The following PLXNB3 variants were observed in gnomAD, a reference collection of about 807,000 sequenced individuals.
The protein encoded by PLXNB3 is plexin B3, also known as plexin-B3.
A neutral mutation model predicts 125.7 loss-of-function variants in PLXNB3; 80 were observed. The ratio of observed to expected loss-of-function variants is 0.64; its 90% confidence interval spans 0.53 to 0.77. The LOEUF is 0.77. Ranked by LOEUF, PLXNB3 falls within the 30% of genes least tolerant of loss-of-function variation. The pLI is 0.00. For missense variants in PLXNB3, 1,836 were observed against 1,729.3 expected, an observed-to-expected ratio of 1.06 and a Z score of -1.09; for synonymous variants, 954 against 783.3, an observed-to-expected ratio of 1.22 and a Z score of -3.64.
In PLXNB3 at chrX:153,772,887, A is replaced by C. The variant is rs1279464807; in HGVS notation, c.2777A>C (p.Asp926Ala). 8.8e-7 allele frequency: 1 copy of C among 1,130,978 alleles called. No homozygotes were observed. Among genetic ancestry groups the C allele is most frequent in the Admixed American group, 3.2e-5 (1 of 31,149 alleles). The allele number at this position is 1,130,978 out of a possible 1,213,427, so 93.2% of individuals were successfully genotyped here. Residue 926 changes from aspartate (D) to alanine (A), a missense_variant and splice_region_variant, in exon 17 of 36, where the codon GAC (aspartate) becomes GCC (alanine). Coordinates refer to ENST00000361971, the MANE Select transcript of PLXNB3 (RefSeq NM_005393.3). ...TACCCAGCCTGCGCTGTTCGCCAGG[A>C]CCCTGTCCTGCTGAGCCTGAGTCCT... ...GISSQHFTYQ[D>A]PVLLSLSPRW...
rs2091904446 is a variant in PLXNB3 at position 153,769,735 on chromosome X, C to T, written c.1497-72C>T. On this transcript the variant is annotated intron_variant, in intron 6 of 35. Transcript: ENST00000361971. ...CTGCACTCCAGCTGGGCCGGCCTCCCCAGGCCCCTGTTGCCGGTCATCCTT... is the reference window on the plus strand; with the variant it reads ...CTGCACTCCAGCTGGGCCGGCCTCCTCAGGCCCCTGTTGCCGGTCATCCTT... The T allele has an allele frequency of 5.5e-6, 6 of 1,097,220 alleles. No individual in the cohort carries two copies. In the South Asian group the frequency reaches 1.1e-4, roughly 19 times the overall value. The allele number at this position is 1,097,220 out of a possible 1,213,427, so 90.4% of individuals were successfully genotyped here.
chrX:153,779,091 T>G lies in PLXNB3; in HGVS notation c.*52T>G. 1.1e-6 allele frequency: 1 copy of G among 930,837 alleles called. No individual in the cohort carries two copies. 76.7% of individuals were successfully genotyped at this position (930,837 alleles called of 1,213,427 possible). On this transcript the variant is annotated 3_prime_UTR_variant, in exon 36 of 36. Coordinates refer to ENST00000361971, the MANE Select transcript of PLXNB3 (RefSeq NM_005393.3). ...GATCCACCAACACCGCAGCGCCTTA[T>G]GACCCCGGAACCGAGCCAGCCACTG...
chrX:153,766,133 CTCT>C, intron 2 of PLXNB3: 1 of 1,095,097 alleles, frequency 9.1e-7, no homozygotes, highest in Non-Finnish European at 1.2e-6. Context: ...CCTGTGTTGT[CTCT>C]TGACACCCCT....
chrX:153,770,634 G>T lies in PLXNB3; in HGVS notation c.2002G>T (p.Ala668Ser), dbSNP rs145979763. The T allele has an allele frequency of 8.3e-7, 1 of 1,209,991 alleles. No homozygotes were observed. The highest frequency in any genetic ancestry group is 1.1e-6 in the Non-Finnish European group (1 of 894,477). The stretch of plus-strand genomic sequence containing the variant: ...AGAGGGCGAGAGGACCATCTACAGC[G>T]CCCAGGAGGTGGGTGGGCCCGAACT... ...CPEGERTIYS[A>S]QEVDIQVRGP... The change falls in exon 10 of 36, where the codon GCC (alanine) becomes TCC (serine). Residue 668 changes from alanine to serine, a missense_variant. Ala to Ser is a moderately conservative substitution (Grantham distance 99). Transcript: ENST00000361971.
rs1362741691 is a variant in PLXNB3, at chrX:153,770,007, G to A, written c.1629+68G>A. On this transcript the variant is annotated intron_variant, in intron 7 of 35. Transcript: ENST00000361971. ...ACTGCCTGGAGCATGAACCCCGCCTGCCTCCCGTCCTCCTTCCTCTCCCAT... is the reference window on the plus strand; with the variant it reads ...ACTGCCTGGAGCATGAACCCCGCCTACCTCCCGTCCTCCTTCCTCTCCCAT... 5.1e-6 allele frequency: 6 copies of A among 1,187,359 alleles called. No homozygotes were observed. The African/African-American group carries it at 7.0e-5, about 14-fold the overall frequency.
rs782006810 is a variant in PLXNB3, at chrX:153,769,921, C to T, written c.1611C>T (p.Pro537=). ...AGAGCCTGCTGCCGGGCCACCACCCCCGCCAGGAGCAGGGCCAGGTAAGCC... is the reference window on the plus strand; with the variant it reads ...AGAGCCTGCTGCCGGGCCACCACCCTCGCCAGGAGCAGGGCCAGGTAAGCC... ...HIQSLLPGHH[P]RQEQGQVTLS... The change falls in exon 7 of 36, where the codon CCC becomes CCT. Residue 537 remains proline (P), a synonymous_variant. Transcript: ENST00000361971. The T allele has an allele frequency of 8.3e-7, 1 of 1,207,911 alleles. No homozygotes were observed. Among genetic ancestry groups the T allele is most frequent in the East Asian group, 3.0e-5 (1 of 33,814 alleles).
rs201223941 is a variant in PLXNB3, at chrX:153,777,967, G to A, written c.5281G>A (p.Val1761Met). The change falls in exon 32 of 36, where the codon GTG (valine) becomes ATG (methionine). Residue 1761 changes from valine (V) to methionine (M), a missense_variant. Coordinates refer to ENST00000361971, the MANE Select transcript of PLXNB3 (RefSeq NM_005393.3). The part of the protein sequence containing the change: ...KTNSLLLRFW[V>M]NALKNPQLIF... ...CCCCAGTCTGCTGCTGCGGTTCTGG[G>A]TGAATGCCTTGAAGAACCCACAGCT... 2.1e-5 allele frequency: 26 copies of A among 1,209,557 alleles called. No individual in the cohort carries two copies. The highest frequency in any genetic ancestry group is 2.9e-5 in the Non-Finnish European group (26 of 894,531).
At position 153,766,397 on chromosome X, in the gene PLXNB3, T is replaced by C. The variant is rs2091858325; in HGVS notation, c.46-476T>C. The C allele has an allele frequency of 3.7e-6, 4 of 1,085,943 alleles. No individual in the cohort carries two copies. In the Admixed American group the frequency reaches 1.5e-4, roughly 40 times the overall value. 89.5% of individuals were successfully genotyped at this position (1,085,943 alleles called of 1,213,427 possible). A position where few individuals can be genotyped will look rare whatever the true frequency, so the allele number is the denominator to read the frequency against. ...ACTCCTCTCACCTGACTTAGATCTC[T>C]CTTGTCTGGGTGGTGGGCGCAGGGG... On this transcript the variant is annotated intron_variant, in intron 2 of 35. Coordinates refer to ENST00000361971, the MANE Select transcript of PLXNB3 (RefSeq NM_005393.3).
chrX:153,778,366 C>T (rs781884959), intron 33 of PLXNB3, 30 bp from the exon 34 acceptor site: 1 of 1,209,169 alleles, frequency 8.3e-7, no homozygotes, highest in East Asian at 3.0e-5. Flanking sequence ...AAGGGGGCTG[C>T]CCCACCCCTA....
At chrX:153,768,199 T>C in intron 3 of PLXNB3, 50 bp from the exon 4 acceptor site, 2 of 1,110,451 alleles carry the variant, frequency 1.8e-6, no homozygotes, top group Non-Finnish European at 2.4e-6. Flanking sequence ...CCCCCCTGAC[T>C]GCCTCTCTGC....
chrX:153,767,766 G>A lies in PLXNB3; in HGVS notation c.939G>A (p.Ala313=), dbSNP rs782172006. 4.3e-5 allele frequency: 50 copies of A among 1,171,700 alleles called. No individual in the cohort carries two copies. Among genetic ancestry groups the A allele is most frequent in the Admixed American group, 2.7e-4 (11 of 40,326 alleles). The change falls in exon 3 of 36, where the codon GCG becomes GCA. Residue 313 remains alanine, a synonymous_variant. Coordinates refer to ENST00000361971, the MANE Select transcript of PLXNB3 (RefSeq NM_005393.3). The part of the protein sequence containing the change: ...FAAGPRGTQA[A]LCAFPMVELG... ...CGGGCCCAAGGGGCACCCAGGCGGC[G>A]CTCTGTGCCTTCCCCATGGTGGAGC...
Position 153,776,340 on chromosome X carries a change from C to G in PLXNB3, c.4730-16C>G. 8.7e-7 allele frequency: 1 copy of G among 1,151,234 alleles called. No individual in the cohort carries two copies. The highest frequency in any genetic ancestry group is 1.2e-6 in the Non-Finnish European group (1 of 845,958). 94.9% of individuals were successfully genotyped at this position (1,151,234 alleles called of 1,213,427 possible). On this transcript the variant is annotated splice_polypyrimidine_tract_variant and intron_variant, in intron 27 of 35. Transcript: ENST00000361971. ...AGAGCAGGCTGTAGACTATCTGCTT[C>G]CCTGACTCCCTCCAGAGTGGCGCTC...
intron 9 of PLXNB3, 26 bp from the exon 10 acceptor site, chrX:153,770,502 G>A: frequency 2.5e-6 from 3 of 1,205,062 alleles, no homozygotes; most frequent in Non-Finnish European, 3.4e-6. Context: ...AGGGCACTCA[G>A]TTGAGCAGCC....
intron 12 of PLXNB3, 65 bp downstream of exon 12, chrX:153,771,146 C>T: frequency 3.9e-6 from 4 of 1,027,074 alleles, no homozygotes; most frequent in Middle Eastern, 3.4e-4. Flanking sequence ...GGTCTGCCAT[C>T]TTTGTGGAGA....
In PLXNB3 at chrX:153,765,375, C is replaced by T. The variant is rs985713612; in HGVS notation, c.-65-96C>T. 10 of 627,884 alleles carry T rather than the reference C, an allele frequency of 1.6e-5. No individual in the cohort carries two copies. In the South Asian group the frequency reaches 2.2e-4, roughly 14 times the overall value. The allele number at this position is 627,884 out of a possible 1,213,427, so 51.7% of individuals were successfully genotyped here. A position where few individuals can be genotyped will look rare whatever the true frequency, so the allele number is the denominator to read the frequency against. ...CAAAGCTGCCAGCTGTGAGGGAGCCCGGTCGCTAGGCCCTGGGCGCCACCC... is the reference window on the plus strand; with the variant it reads ...CAAAGCTGCCAGCTGTGAGGGAGCCTGGTCGCTAGGCCCTGGGCGCCACCC... On this transcript the variant is annotated intron_variant, in intron 1 of 35. Transcript: ENST00000361971.
At chrX:153,771,776 C>G (rs1557061987) in intron 14 of PLXNB3, 88 bp from the exon 15 acceptor site, 22 of 1,145,544 alleles carry the variant, frequency 1.9e-5, no homozygotes, top group Admixed American at 2.5e-5. Flanking sequence ...CTCGGCCTGG[C>G]TGGGCTGGTT....
intron 2 of PLXNB3, chrX:153,766,534 C>T: frequency 9.7e-7 from 1 of 1,033,049 alleles, no homozygotes; most frequent in Non-Finnish European, 1.2e-6. Context: ...TGTTAGCGCT[C>T]TTGCGGCTTT....
intron 4 of PLXNB3, 122 bp from the exon 5 acceptor site, chrX:153,768,826 C>T (rs973400788): frequency 1.1e-4 from 95 of 830,262 alleles, no homozygotes; most frequent in African/African-American, 5.7e-4. Flanking sequence ...TGTCCTCCCT[C>T]GATGGCCCGG....
chrX:153,771,712 G>A, intron 14 of PLXNB3, 57 bp downstream of exon 14: 15 of 1,133,831 alleles, frequency 1.3e-5, no homozygotes, highest in Non-Finnish European at 1.6e-5. Flanking sequence ...GCCCCGCACT[G>A]TCCTGTCCTC....
Sources: gnomAD v4.1 joint callset for allele counts on GRCh38, gnomAD v4.1.1 for gene constraint, MANE v1.5 for transcripts, NCBI Gene and HGNC (gene_info 2026-07-23, HGNC 2026-07-21) for gene names.